Variants in HCRTR2 observed in about 807,000 individuals in gnomAD.
The protein encoded by HCRTR2 is orexin receptor type 2.
In HCRTR2, 22 loss-of-function variants were observed where a neutral mutation model predicts 49.0. That is an observed-to-expected ratio of 0.45 (90% CI 0.32 to 0.64). HCRTR2 has a LOEUF of 0.64. HCRTR2 is among the 30% of genes least tolerant of loss of function. The probability of loss-of-function intolerance (pLI) is 0.04; values close to 1 mark genes in which losing one functional copy is unlikely to be tolerated. For missense variants in HCRTR2, 491 were observed against 559.4 expected, an observed-to-expected ratio of 0.88 and a Z score of 1.23; for synonymous variants, 236 against 205.3, an observed-to-expected ratio of 1.15 and a Z score of -1.28.
chr6:55,268,450 G>A (rs1315074580), intron 4 of HCRTR2, among the ~76,000 whole-genome samples: 1 of 152,028 alleles, frequency 6.6e-6, no homozygotes, highest in Non-Finnish European at 1.5e-5. Flanking sequence ...AAAAACCCAT[G>A]ATCCAACTTT....
At chr6:55,258,536 A>G (rs1346088906) in intron 3 of HCRTR2, among the ~76,000 whole-genome samples, 4 of 152,170 alleles carry the variant, frequency 2.6e-5, no homozygotes, top group African/African-American at 9.6e-5. Context: ...TTACTTCTTC[A>G]TAAAAAGAAC....
chr6:55,266,044 TACA>T (rs1475768790), intron 4 of HCRTR2, among the ~76,000 whole-genome samples: 2 of 151,946 alleles, frequency 1.3e-5, no homozygotes, highest in Non-Finnish European at 2.9e-5. Context: ...AAAACAAAAC[TACA>T]ACAACAAAAT....
At chr6:55,121,270 CTGTT>C (rs1225953033) in intron 1 of HCRTR2, among the ~76,000 whole-genome samples, 3 of 152,094 alleles carry the variant, frequency 2.0e-5, no homozygotes, top group Non-Finnish European at 4.4e-5. Context: ...ATTTGGCTCT[CTGTT>C]TGTCTGTTAT....
chr6:55,118,691 T>A (rs1764153512), intron 1 of HCRTR2, among the ~76,000 whole-genome samples: 2 of 151,980 alleles, frequency 1.3e-5, no homozygotes, highest in Non-Finnish European at 1.5e-5. Flanking sequence ...GTTGGCTGCA[T>A]GTACGTCATC....
chr6:55,190,918 A>G (rs1326690149), intron 1 of HCRTR2, among the ~76,000 whole-genome samples: 2 of 152,180 alleles, frequency 1.3e-5, no homozygotes, highest in Non-Finnish European at 2.9e-5. Flanking sequence ...TAACAGGGAA[A>G]AGTAACCTCC....
intron 1 of HCRTR2, among the ~76,000 whole-genome samples, chr6:55,151,593 A>G (rs1174032693): frequency 1.3e-5 from 2 of 151,964 alleles, no homozygotes; most frequent in Admixed American, 1.3e-4. Context: ...GAGCTTCTCA[A>G]AGTAATCTAT....
At chr6:55,146,926 G>A (rs1437929601) in intron 1 of HCRTR2, among the ~76,000 whole-genome samples, 1 of 152,134 alleles carries the variant, frequency 6.6e-6, no homozygotes, top group Admixed American at 6.5e-5. Context: ...CCTTGGAATA[G>A]CCAGGGGATC....
chr6:55,228,786 G>T (rs530091440), intron 1 of HCRTR2, among the ~76,000 whole-genome samples: 1 of 152,010 alleles, frequency 6.6e-6, no homozygotes, highest in Non-Finnish European at 1.5e-5. Flanking sequence ...TCTTTTTCTA[G>T]AACAATTGTT....
At chr6:55,283,356 T>A (rs756634582), downstream of HCRTR2, among the ~76,000 whole-genome samples, 2 of 152,022 alleles carry the variant, frequency 1.3e-5, no homozygotes, top group Non-Finnish European at 2.9e-5. Flanking sequence ...GGACAATTCT[T>A]GGTCATGGCA....
Position 55,174,727 on chromosome 6 carries a change from A to G in HCRTR2, c.140A>G (p.Tyr47Cys). 1 of 1,614,054 alleles carries G rather than the reference A, an allele frequency of 6.2e-7. No individual in the cohort carries two copies. Among genetic ancestry groups the G allele is most frequent in the East Asian group, 2.2e-5 (1 of 44,840 alleles). The change falls in exon 1 of 7, where the codon TAC (tyrosine) becomes TGC (cysteine). Residue 47 changes from tyrosine (Y) to cysteine (C), a missense_variant. Coordinates refer to ENST00000370862, the MANE Select transcript of HCRTR2 (RefSeq NM_001384272.1). ...EEFLRYLWREYLHPKEYEWVL... is the reference protein window; with the variant it reads ...EEFLRYLWRECLHPKEYEWVL... Reference sequence around the variant, plus strand: ...TTCCTGCGGTACCTGTGGAGGGAATACCTGCACCCGAAAGAATATGAGTGG... The same window carrying G: ...TTCCTGCGGTACCTGTGGAGGGAATGCCTGCACCCGAAAGAATATGAGTGG...
chr6:55,127,351 C>T (rs952289195), intron 1 of HCRTR2, among the ~76,000 whole-genome samples: 7 of 152,060 alleles, frequency 4.6e-5, no homozygotes, highest in African/African-American at 1.7e-4. Flanking sequence ...TTGCACTTCC[C>T]AGGTAAGGCG....
chr6:55,276,958 T>C (rs968841396), intron 4 of HCRTR2, among the ~76,000 whole-genome samples: 2 of 152,176 alleles, frequency 1.3e-5, no homozygotes, highest in African/African-American at 2.4e-5. Context: ...TATTGATGCG[T>C]GAAAAATCCA....
Position 55,277,403 on chromosome 6 carries a change from T to A in HCRTR2, c.786T>A (p.Val262=), listed in dbSNP as rs1427668415. 6.2e-7 allele frequency: 1 copy of A among 1,613,870 alleles called. No homozygotes were observed. Among genetic ancestry groups the A allele is most frequent in the African/African-American group, 1.3e-5 (1 of 74,924 alleles). The change falls in exon 5 of 7, where the codon GTT becomes GTA. Residue 262 remains valine (V), a synonymous_variant. Transcript: ENST00000370862. ...AGATCCCTGGAACATCATCTGTAGT[T>A]CAGAGAAAATGGAAGCCCCTGCAGC... ...CRQIPGTSSV[V]QRKWKPLQPV...
chr6:55,183,997 A>G (rs541946906), intron 1 of HCRTR2, among the ~76,000 whole-genome samples: 1 of 152,024 alleles, frequency 6.6e-6, no homozygotes, highest in East Asian at 1.9e-4. Flanking sequence ...GCGCCATTTC[A>G]GCTCACTGCA....
At chr6:55,136,466 G>A (rs1011469609) in intron 1 of HCRTR2, among the ~76,000 whole-genome samples, 4 of 151,968 alleles carry the variant, frequency 2.6e-5, no homozygotes, top group Non-Finnish European at 4.4e-5. Flanking sequence ...CTTCAATTGG[G>A]AAATCACAAT....
At chr6:55,179,552 A>G (rs1215780292) in intron 1 of HCRTR2, among the ~76,000 whole-genome samples, 1 of 152,218 alleles carries the variant, frequency 6.6e-6, no homozygotes, top group Non-Finnish European at 1.5e-5. Flanking sequence ...AGATAACAGC[A>G]ACATTTATCA....
intron 1 of HCRTR2, among the ~76,000 whole-genome samples, chr6:55,118,894 C>G (rs1241396056): frequency 6.6e-6 from 1 of 150,754 alleles, no homozygotes; most frequent in Admixed American, 6.6e-5. Flanking sequence ...CCCATCAACC[C>G]GTCACCTACA....
chr6:55,136,430 A>C (rs1764434832), intron 1 of HCRTR2, among the ~76,000 whole-genome samples: 1 of 152,148 alleles, frequency 6.6e-6, no homozygotes, highest in Non-Finnish European at 1.5e-5. Context: ...GTGGAGTAGA[A>C]TGTTAGACAC....
intron 1 of HCRTR2, among the ~76,000 whole-genome samples, chr6:55,236,164 T>A (rs1766209147): frequency 6.6e-6 from 1 of 152,014 alleles, no homozygotes; most frequent in African/African-American, 2.4e-5. Context: ...CCATTTAGGT[T>A]ATTTTTCATA....
Sources: gnomAD v4.1 joint callset for allele counts (sites outside exome capture counted in the v4.1 genomes callset) on GRCh38, gnomAD v4.1.1 for gene constraint, MANE v1.5 for transcripts, NCBI Gene and HGNC (gene_info 2026-07-23, HGNC 2026-07-21) for gene names.